Variants in F13B observed in about 807,000 individuals in gnomAD.
F13B encodes TGase.
In F13B, 58 loss-of-function variants were observed where a neutral mutation model predicts 79.8. That is an observed-to-expected ratio of 0.73 (90% confidence interval 0.59 to 0.90). The LOEUF is 0.90. F13B is among the 40% of genes least tolerant of loss of function. The pLI, the probability that F13B is intolerant of heterozygous loss-of-function variation, is 0.00. For synonymous variants in F13B, 283 were observed against 260.3 expected, an observed-to-expected ratio of 1.09 and a Z score of -0.84; for missense variants, 773 against 777.0, an observed-to-expected ratio of 0.99 and a Z score of 0.06.
rs201427054 is a variant in F13B, at chr1:197,055,784, A to G, written c.1285T>C (p.Tyr429His). The change falls in exon 8 of 12, where the codon TAC (tyrosine) becomes CAC (histidine). Residue 429 changes from tyrosine to histidine, a missense_variant. Transcript: ENST00000367412. ...SSVEYRCNEY[Y>H]LLRGSKISRC... ...GATATTTTTGATCCCCTCAGTAAGT[A>G]ATATTCATTGCATCTATATTCCACT... The G allele has an allele frequency of 2.2e-4, 356 of 1,613,538 alleles. 2 individuals carry two copies. The highest frequency in any genetic ancestry group is 2.2e-4 in the Admixed American group (13 of 59,884).
At chr1:197,051,420 T>G (rs930802811) in intron 9 of F13B, among the ~76,000 whole-genome samples, 5 of 152,138 alleles carry the variant, frequency 3.3e-5, no homozygotes, top group Non-Finnish European at 7.4e-5. Flanking sequence ...TTTCTGTATA[T>G]ATTATTTTCC....
intron 5 of F13B, 22 bp from the exon 6 acceptor site, chr1:197,057,487 C>A: frequency 6.2e-7 from 1 of 1,609,010 alleles, no homozygotes; most frequent in Non-Finnish European, 8.5e-7. Context: ...AATTAATCAG[C>A]ACCTTTAGTC....
chr1:197,042,629 G>A (rs1404522680), intron 10 of F13B, among the ~76,000 whole-genome samples: 1 of 144,992 alleles, frequency 6.9e-6, no homozygotes, highest in Admixed American at 7.1e-5. Context: ...GACCAGCCTG[G>A]CCAACATGGT....
Position 197,050,832 on chromosome 1 carries a change from T to C in F13B, c.1603A>G (p.Ile535Val), listed in dbSNP as rs765945622. 7.4e-6 allele frequency: 12 copies of C among 1,613,392 alleles called. 1 individual carries two copies. In the Admixed American group the frequency reaches 2.0e-4, roughly 27 times the overall value. The change falls in exon 10 of 12, where the codon ATT (isoleucine) becomes GTT (valine). Residue 535 changes from isoleucine to valine, a missense_variant. Physicochemically the swap from Ile to Val is conservative, Grantham distance 29. Transcript: ENST00000367412. ...TSPPLIKHGV[I>V]ISSTVDTYEN... is the part of the protein sequence containing the mutation. ...TAGGTGTCTACTGTTGAACTAATAATGACTCCATGTTTAATAAGAGGAGGA... is the reference window on the plus strand; with the variant it reads ...TAGGTGTCTACTGTTGAACTAATAACGACTCCATGTTTAATAAGAGGAGGA...
At chr1:197,063,165 T>C in intron 1 of F13B, 108 bp from the exon 2 acceptor site, 1 of 887,334 alleles carries the variant, frequency 1.1e-6, no homozygotes, top group Non-Finnish European at 1.8e-6. Context: ...CTTCAACTAG[T>C]ACTTATTTTT....
intron 5 of F13B, 109 bp from the exon 6 acceptor site, chr1:197,057,574 A>C: frequency 8.6e-7 from 1 of 1,166,096 alleles, no homozygotes; most frequent in Non-Finnish European, 1.2e-6. Flanking sequence ...TGGCAGACTG[A>C]TTCTAGGAGC....
chr1:197,055,794 G>A lies in F13B; in HGVS notation c.1275C>T (p.Cys425=), dbSNP rs1462557762. The change falls in exon 8 of 12, where the codon TGC becomes TGT. Residue 425 remains cysteine (C), a synonymous_variant. Transcript: ENST00000367412. The stretch of plus-strand genomic sequence containing the variant: ...ATCCCCTCAGTAAGTAATATTCATT[G>A]CATCTATATTCCACTGAGGATCCTG... ...YATGSSVEYR[C]NEYYLLRGSK... The A allele has an allele frequency of 7.4e-6, 12 of 1,613,284 alleles. No individual in the cohort carries two copies. Among genetic ancestry groups the A allele is most frequent in the Non-Finnish European group, 8.5e-6 (10 of 1,179,672 alleles).
At position 197,061,956 on chromosome 1, in the gene F13B, C is replaced by T; in HGVS notation, c.279G>A (p.Lys93=). The T allele has an allele frequency of 6.2e-7, 1 of 1,612,118 alleles. No homozygotes were observed. The highest frequency in any genetic ancestry group is 8.5e-7 in the Non-Finnish European group (1 of 1,178,902). The change falls in exon 3 of 12, where the codon AAG becomes AAA. Residue 93 remains lysine, a synonymous_variant. Transcript: ENST00000367412. ...PEPRCFKKCT[K]PDLSNGYISD... is the part of the protein sequence containing the mutation. The stretch of plus-strand genomic sequence containing the variant: ...AGATGTAACCATTACTCAGGTCAGG[C>T]TTAGTGCATTTTTCTATGGGAAAAA...
intron 8 of F13B, among the ~76,000 whole-genome samples, chr1:197,053,376 T>C (rs533546717): frequency 5.3e-5 from 8 of 152,212 alleles, no homozygotes; most frequent in African/African-American, 1.9e-4. Flanking sequence ...AATTGAATCC[T>C]GGGGTGGGTC....
At chr1:197,059,947 T>C (rs1419638336) in intron 5 of F13B, among the ~76,000 whole-genome samples, 1 of 152,116 alleles carries the variant, frequency 6.6e-6, no homozygotes, top group Non-Finnish European at 1.5e-5. Context: ...TTCTTCTGCT[T>C]TTCCTGCTTT....
At chr1:197,053,984 C>A (rs1379048969) in intron 8 of F13B, among the ~76,000 whole-genome samples, 1 of 152,036 alleles carries the variant, frequency 6.6e-6, no homozygotes, top group Non-Finnish European at 1.5e-5. Context: ...GTTAGAGAGA[C>A]TCTTAATGTC....
intron 11 of F13B, 66 bp from the exon 12 acceptor site, chr1:197,039,477 C>A (rs1253645521): frequency 7.8e-7 from 1 of 1,280,118 alleles, no homozygotes; most frequent in East Asian, 2.3e-5. Flanking sequence ...ATTACAATCT[C>A]AGCCTTTCAA....
intron 10 of F13B, among the ~76,000 whole-genome samples, chr1:197,046,264 C>A (rs992539072): frequency 9.9e-5 from 15 of 152,122 alleles, no homozygotes; most frequent in Non-Finnish European, 1.8e-4. Context: ...ATTTAGAAAA[C>A]CCCATCGTCT....
intron 10 of F13B, among the ~76,000 whole-genome samples, chr1:197,049,148 C>T (rs993848025): frequency 6.6e-6 from 1 of 151,702 alleles, no homozygotes; most frequent in Non-Finnish European, 1.5e-5. Flanking sequence ...TTTTTAAATT[C>T]ATGTATTAGA....
intron 1 of F13B, among the ~76,000 whole-genome samples, chr1:197,066,655 C>G (rs1471403532): frequency 6.6e-6 from 1 of 152,122 alleles, no homozygotes; most frequent in African/African-American, 2.4e-5. Flanking sequence ...ACCTACTAAT[C>G]ACTACTTAAT....
intron 1 of F13B, among the ~76,000 whole-genome samples, chr1:197,065,951 A>G (rs551857825): frequency 5.9e-5 from 9 of 151,838 alleles, no homozygotes; most frequent in Non-Finnish European, 1.3e-4. Flanking sequence ...AGTTGAGAGA[A>G]GCATGCAAAA....
chr1:197,052,945 AATC>A (rs1395208165), intron 8 of F13B, 111 bp from the exon 9 acceptor site: 1 of 731,732 alleles, frequency 1.4e-6, no homozygotes, highest in African/African-American at 1.8e-5. Context: ...TTATAATTGA[AATC>A]ATAATTAAGG....
rs564647975 is a variant in F13B at position 197,064,340 on chromosome 1, T to A, written c.65-1283A>T. Among the ~76,000 whole-genome samples the A allele has an allele frequency of 5.9e-5, 9 of 152,166 alleles. No homozygotes were observed. In the South Asian group the frequency reaches 1.9e-3, roughly 32 times the overall value. ...ACCAAAAGACATGGAAAAAAATGCT[T>A]ATAGTGGCAGTATTCATATAGTCCC... On this transcript the variant is annotated intron_variant, in intron 1 of 11. Transcript: ENST00000367412.
intron 11 of F13B, 24 bp downstream of exon 11, chr1:197,040,498 G>T: frequency 6.5e-7 from 1 of 1,533,306 alleles, no homozygotes; most frequent in South Asian, 1.1e-5. Context: ...AAAATAATCT[G>T]ACCAAAAAAA....
Sources: allele counts gnomAD v4.1 joint callset (sites outside exome capture counted in the v4.1 genomes callset), GRCh38; gene constraint gnomAD v4.1.1; transcripts MANE v1.5; gene names NCBI Gene and HGNC (gene_info 2026-07-23, HGNC 2026-07-21).